SEMA3E: variants seen among roughly 807,000 people sequenced by gnomAD.
SEMA3E encodes semaphorin-3E.
Under a neutral mutation model 93.6 loss-of-function variants are expected in SEMA3E, and 49 were observed. The ratio of observed to expected loss-of-function variants is 0.52; its 90% CI spans 0.42 to 0.66. The LOEUF (loss-of-function observed/expected upper bound fraction) is 0.66. Among genes scored for constraint, SEMA3E ranks in the 30% least tolerant of loss-of-function variants. SEMA3E has a pLI of 0.00. For missense variants in SEMA3E, 906 were observed against 964.8 expected (o/e 0.94, Z 0.81); for synonymous variants, 363 against 330.7 (o/e 1.10, Z -1.06).
At chr7:83,452,435 G>C (rs1361990903) in intron 4 of SEMA3E, among the ~76,000 whole-genome samples, 1 of 152,076 alleles carries the variant, frequency 6.6e-6, no homozygotes, top group East Asian at 1.9e-4. Context: ...TCATTCCCTA[G>C]AGGCCACCTG....
chr7:83,632,166 A>G (rs962987765), intron 1 of SEMA3E, among the ~76,000 whole-genome samples: 1 of 152,052 alleles, frequency 6.6e-6, no homozygotes, highest in Non-Finnish European at 1.5e-5. Context: ...AAAAAAAAAA[A>G]AAAAAGTCAT....
rs1009927783 is a variant in SEMA3E, at chr7:83,365,788, A to C, written c.*1798T>G. 1 of 152,304 alleles carries C rather than the reference A, an allele frequency of 6.6e-6. No individual in the cohort carries two copies. The highest frequency in any genetic ancestry group is 1.5e-5 in the Non-Finnish European group (1 of 68,012). 9.4% of individuals were successfully genotyped at this position (152,304 alleles called of 1,614,324 possible). On this transcript the variant is annotated 3_prime_UTR_variant, in exon 17 of 17. Transcript: ENST00000643230. ...AGGCAATTTTCAATAAAGTGTACTTAATTGACTTATTTGTTCAGACATAAA... is the reference window on the plus strand; with the variant it reads ...AGGCAATTTTCAATAAAGTGTACTTCATTGACTTATTTGTTCAGACATAAA...
intron 4 of SEMA3E, among the ~76,000 whole-genome samples, chr7:83,433,941 T>C (rs1788942484): frequency 6.6e-6 from 1 of 152,078 alleles, no homozygotes; most frequent in African/African-American, 2.4e-5. Context: ...TAAAATTTAA[T>C]TTAAGAACAT....
At chr7:83,389,516 T>C (rs1787949001) in intron 14 of SEMA3E, among the ~76,000 whole-genome samples, 1 of 124,742 alleles carries the variant, frequency 8.0e-6, no homozygotes, top group African/African-American at 2.5e-5. Context: ...AGACATCACA[T>C]TCTCCAGCAA....
At chr7:83,448,504 C>A (rs545994279) in intron 4 of SEMA3E, among the ~76,000 whole-genome samples, 10 of 152,028 alleles carry the variant, frequency 6.6e-5, no homozygotes, top group African/African-American at 2.4e-4. Flanking sequence ...AGAGTGAGAC[C>A]CTATTCTAAA....
At position 83,490,148 on chromosome 7, in the gene SEMA3E, A is replaced by T. The variant is rs754231656; in HGVS notation, c.242T>A (p.Leu81His). 1 of 1,612,996 alleles carries T rather than the reference A, an allele frequency of 6.2e-7. No individual in the cohort carries two copies. The highest frequency in any genetic ancestry group is 2.2e-5 in the East Asian group (1 of 44,832). ...GCCGTCACTGATTCTCTCCAAGCTGAGGGAATATACAAGGTCCCTGCCTCC... is the reference window on the plus strand; with the variant it reads ...GCCGTCACTGATTCTCTCCAAGCTGTGGGAATATACAAGGTCCCTGCCTCC... ...FVGGRDLVYS[L>H]SLERISDGYK... is the part of the protein sequence containing the mutation. Residue 81 changes from leucine (L) to histidine (H), a missense_variant, in exon 2 of 17, where the codon CTC becomes CAC. By Grantham distance (99) the Leu-to-His change is moderately conservative. Transcript: ENST00000643230.
At chr7:83,423,173 T>C (rs1331822426) in intron 4 of SEMA3E, among the ~76,000 whole-genome samples, 1 of 152,206 alleles carries the variant, frequency 6.6e-6, no homozygotes, top group Non-Finnish European at 1.5e-5. Context: ...TTTTTAGTTA[T>C]GTAGGAGACA....
intron 1 of SEMA3E, 121 bp downstream of exon 1, chr7:83,648,307 A>C (rs765384956): frequency 1.4e-6 from 1 of 703,656 alleles, no homozygotes; most frequent in Non-Finnish European, 2.4e-6. Context: ...TAAATTTTTC[A>C]GGTGCATTTT....
chr7:83,464,683 C>T (rs1789711938), intron 4 of SEMA3E, among the ~76,000 whole-genome samples: 1 of 132,616 alleles, frequency 7.5e-6, no homozygotes, highest in Non-Finnish European at 1.6e-5. Context: ...TCATCCAAAA[C>T]CGTATCCAGG....
chr7:83,534,293 A>AT (rs568673010), intron 1 of SEMA3E, among the ~76,000 whole-genome samples: 25 of 152,122 alleles, frequency 1.6e-4, no homozygotes, highest in Non-Finnish European at 2.9e-4. Flanking sequence ...AGGCATTAGG[A>AT]TTTTTTTGAA....
In SEMA3E at chr7:83,472,793, AC is replaced by A. The variant is rs528282952; in HGVS notation, c.277-3492del. 2.1e-3 allele frequency among the ~76,000 whole-genome samples: 316 copies of A among 152,292 alleles called. 1 individual carries two copies. Among genetic ancestry groups the A allele is most frequent in the African/African-American group, 7.0e-3 (290 of 41,568 alleles). On this transcript the variant is annotated intron_variant, in intron 2 of 16. Transcript: ENST00000643230. Reference sequence around the variant, plus strand: ...ATAATCCCCATTTTTCAAGGGAGAAACCAGGTGGAGGTAATTGAATCATGGA... The same window carrying A: ...ATAATCCCCATTTTTCAAGGGAGAAACAGGTGGAGGTAATTGAATCATGGA...
chr7:83,513,702 G>T (rs768834966), intron 1 of SEMA3E, among the ~76,000 whole-genome samples: 1 of 152,210 alleles, frequency 6.6e-6, no homozygotes, highest in Non-Finnish European at 1.5e-5. Context: ...GGTAATTTCC[G>T]TATGTAATTT....
chr7:83,645,650 G>C (rs1458426515), intron 1 of SEMA3E, among the ~76,000 whole-genome samples: 2 of 151,608 alleles, frequency 1.3e-5, no homozygotes, highest in South Asian at 2.1e-4. Context: ...TACCCCATTG[G>C]GGCACAAGGC....
chr7:83,369,053 C>T (rs571374195), intron 16 of SEMA3E, among the ~76,000 whole-genome samples: 3 of 152,292 alleles, frequency 2.0e-5, no homozygotes, highest in East Asian at 3.9e-4. Flanking sequence ...GCTACCTCTA[C>T]CTTTCTACTA....
chr7:83,617,711 CTGTT>C (rs757081797), intron 1 of SEMA3E, among the ~76,000 whole-genome samples: 1 of 149,364 alleles, frequency 6.7e-6, no homozygotes, highest in Non-Finnish European at 1.5e-5. Flanking sequence ...TTGTAAATCA[CTGTT>C]TGATGGGCTT....
chr7:83,430,222 T>C (rs1584243508), intron 4 of SEMA3E, among the ~76,000 whole-genome samples: 1 of 152,092 alleles, frequency 6.6e-6, no homozygotes, highest in East Asian at 1.9e-4. Flanking sequence ...CCCAGCACTT[T>C]GGGAAGCCGA....
At chr7:83,389,041 A>G (rs1040960165) in intron 14 of SEMA3E, among the ~76,000 whole-genome samples, 12 of 151,988 alleles carry the variant, frequency 7.9e-5, no homozygotes, top group Admixed American at 2.6e-4. Context: ...ATTGCTGATT[A>G]GAAAATCTTA....
chr7:83,370,807 A>G (rs1018778454), intron 16 of SEMA3E, among the ~76,000 whole-genome samples: 32 of 152,120 alleles, frequency 2.1e-4, no homozygotes, highest in South Asian at 1.0e-3. Context: ...TAGTCCTTCA[A>G]TTAAATTTCC....
At chr7:83,531,302 A>C (rs1006256803) in intron 1 of SEMA3E, among the ~76,000 whole-genome samples, 3 of 144,528 alleles carry the variant, frequency 2.1e-5, no homozygotes, top group African/African-American at 5.0e-5. Flanking sequence ...TTTTTTAACA[A>C]GTTATTTGTG....
Sources: gnomAD v4.1 joint callset for allele counts (sites outside exome capture counted in the v4.1 genomes callset) on GRCh38, gnomAD v4.1.1 for gene constraint, MANE v1.5 for transcripts, NCBI Gene and HGNC (gene_info 2026-07-23, HGNC 2026-07-21) for gene names.